Variants in PARD3B observed in about 807,000 individuals in gnomAD.
PARD3B encodes partitioning defective 3 homolog B.
A neutral mutation model predicts 130.2 loss-of-function variants in PARD3B; 103 were observed. That is an observed-to-expected ratio of 0.79 (90% CI 0.67 to 0.93). PARD3B has a LOEUF of 0.93. PARD3B is among the 40% of genes least tolerant of loss of function. The probability of loss-of-function intolerance (pLI) is 0.00; values close to 1 mark genes in which losing one functional copy is unlikely to be tolerated. For synonymous variants in PARD3B, 583 were observed against 553.2 expected (o/e 1.05, Z -0.76); for missense variants, 1,609 against 1,499.2 (o/e 1.07, Z -1.21).
chr2:205,607,327 G>A (rs913876557), intron 22 of PARD3B, among the ~76,000 whole-genome samples: 2 of 151,994 alleles, frequency 1.3e-5, no homozygotes, highest in African/African-American at 2.4e-5. Context: ...TCTTTCACCC[G>A]GTGCCAGCAG....
intron 16 of PARD3B, among the ~76,000 whole-genome samples, chr2:205,273,846 AC>A (rs1353465752): frequency 1.3e-5 from 2 of 152,166 alleles, no homozygotes; most frequent in East Asian, 3.9e-4. Context: ...TAGAAGTTTT[AC>A]TTTTGTAAGT....
At chr2:204,561,476 G>A (rs1376996437) in intron 1 of PARD3B, among the ~76,000 whole-genome samples, 1 of 152,136 alleles carries the variant, frequency 6.6e-6, no homozygotes, top group African/African-American at 2.4e-5. Context: ...GGCCATTGGG[G>A]AAGCCCCAGT....
intron 2 of PARD3B, among the ~76,000 whole-genome samples, chr2:204,729,990 CACACACAA>C (rs1294717002): frequency 9.2e-5 from 11 of 119,874 alleles, no homozygotes; most frequent in Non-Finnish European, 1.8e-4. Flanking sequence ...CAGATACACA[CACACACAA>C]ACACACACAC....
intron 18 of PARD3B, among the ~76,000 whole-genome samples, chr2:205,332,678 C>CGAA (rs1353275432): frequency 6.6e-6 from 1 of 152,116 alleles, no homozygotes; most frequent in Non-Finnish European, 1.5e-5. Context: ...GACGGCTTCC[C>CGAA]CTCTTCTCTC....
intron 2 of PARD3B, among the ~76,000 whole-genome samples, chr2:204,874,957 C>T (rs1241339185): frequency 2.0e-5 from 3 of 152,124 alleles, no homozygotes; most frequent in Non-Finnish European, 4.4e-5. Flanking sequence ...ATGAATATAT[C>T]TCAGTTTATT....
chr2:205,034,280 G>A (rs186782087), intron 3 of PARD3B, among the ~76,000 whole-genome samples: 109 of 152,276 alleles, frequency 7.2e-4, no homozygotes, highest in African/African-American at 2.6e-3. Context: ...AAAGGAAGTG[G>A]CTTGCCATCA....
chr2:204,990,789 C>T (rs935052965), intron 3 of PARD3B, among the ~76,000 whole-genome samples: 1 of 152,014 alleles, frequency 6.6e-6, no homozygotes, highest in African/African-American at 2.4e-5. Context: ...GAAATCTTTC[C>T]CTACCTAAAG....
At chr2:205,201,956 G>A (rs1027456446) in intron 15 of PARD3B, among the ~76,000 whole-genome samples, 3 of 152,138 alleles carry the variant, frequency 2.0e-5, no homozygotes, top group Admixed American at 6.5e-5. Flanking sequence ...GAATATAATT[G>A]TAGTGAGATG....
At chr2:204,572,702 T>C (rs1369225053) in intron 1 of PARD3B, among the ~76,000 whole-genome samples, 1 of 152,210 alleles carries the variant, frequency 6.6e-6, no homozygotes, top group Non-Finnish European at 1.5e-5. Flanking sequence ...GTAAATACTC[T>C]AGACAGCTGT....
intron 2 of PARD3B, among the ~76,000 whole-genome samples, chr2:204,743,521 T>C (rs2040095227): frequency 6.6e-6 from 1 of 152,164 alleles, no homozygotes; most frequent in Non-Finnish European, 1.5e-5. Context: ...CATGTGCATG[T>C]GAAGAGAAAA....
At chr2:204,691,524 C>A (rs1386583719) in intron 2 of PARD3B, among the ~76,000 whole-genome samples, 1 of 151,934 alleles carries the variant, frequency 6.6e-6, no homozygotes, top group African/African-American at 2.4e-5. Context: ...GTTATCAGTC[C>A]TTGGGCAAGC....
Position 205,615,712 on chromosome 2 carries a change from C to T in PARD3B, c.3517C>T (p.Gln1173Ter), listed in dbSNP as rs749777182. 10 of 1,614,126 alleles carry T rather than the reference C, an allele frequency of 6.2e-6. No individual in the cohort carries two copies. The highest frequency in any genetic ancestry group is 7.6e-6 in the Non-Finnish European group (9 of 1,180,014). The change falls in exon 23 of 23, where the codon CAG (glutamine) becomes TAG (stop). Residue 1173 changes from glutamine to a stop codon, truncating the protein, a stop_gained. Transcript: ENST00000406610. LOFTEE classifies it high-confidence loss of function. ...PPQHQRMPAY[Q>*]ETGRPGPRGG... is the part of the protein sequence containing the mutation. Reference sequence around the variant, plus strand: ...CCAGCACCAAAGAATGCCAGCCTATCAGGAAACAGGCAGACCAGGGCCCCG... The same window carrying T: ...CCAGCACCAAAGAATGCCAGCCTATTAGGAAACAGGCAGACCAGGGCCCCG...
At chr2:205,089,077 A>G (rs1292844377) in intron 4 of PARD3B, among the ~76,000 whole-genome samples, 1 of 151,344 alleles carries the variant, frequency 6.6e-6, no homozygotes, top group Non-Finnish European at 1.5e-5. Flanking sequence ...CTGGGATTAC[A>G]AGCATGAACC....
intron 3 of PARD3B, among the ~76,000 whole-genome samples, chr2:205,046,961 A>G (rs1698829741): frequency 6.6e-6 from 1 of 152,244 alleles, no homozygotes. Context: ...TTAATAGTGG[A>G]AGCTTTCATT....
At chr2:205,009,602 C>T (rs1442172348) in intron 3 of PARD3B, among the ~76,000 whole-genome samples, 4 of 149,792 alleles carry the variant, frequency 2.7e-5, no homozygotes, top group Non-Finnish European at 4.4e-5. Flanking sequence ...ACCCGGGAGG[C>T]GGAGCTTTCA....
intron 10 of PARD3B, among the ~76,000 whole-genome samples, chr2:205,134,074 T>C (rs1295796772): frequency 6.6e-6 from 1 of 152,152 alleles, no homozygotes; most frequent in Non-Finnish European, 1.5e-5. Flanking sequence ...TCCACCCTTT[T>C]ACTATGGTTG....
At position 205,463,069 on chromosome 2, in the gene PARD3B, AT is replaced by A. The variant is rs960814144; in HGVS notation, c.3044+22405del. On this transcript the variant is annotated intron_variant, in intron 20 of 22. Transcript: ENST00000406610. The surrounding 1 kb of genome is among the most constrained non-coding windows in gnomAD (Gnocchi z 4.8). The stretch of plus-strand genomic sequence containing the variant: ...GTCATCTCAGCATCAACTGACAATT[AT>A]TTTTTTTGCCCTCAATATCCTTCCC... 2.6e-5 allele frequency among the ~76,000 whole-genome samples: 4 copies of A among 151,738 alleles called. No homozygotes were observed. The highest frequency in any genetic ancestry group is 9.7e-5 in the African/African-American group (4 of 41,270).
chr2:204,562,145 C>T (rs1026388758), intron 1 of PARD3B, among the ~76,000 whole-genome samples: 9 of 152,094 alleles, frequency 5.9e-5, no homozygotes, highest in South Asian at 2.1e-4. Flanking sequence ...TGAATGATGC[C>T]CTCAGATTTC....
At chr2:204,955,543 A>G (rs1559296792) in intron 2 of PARD3B, among the ~76,000 whole-genome samples, 1 of 152,248 alleles carries the variant, frequency 6.6e-6, no homozygotes, top group Non-Finnish European at 1.5e-5. Flanking sequence ...TGGATATAGC[A>G]GAAAATGTAG....
Sources: allele counts gnomAD v4.1 joint callset (sites outside exome capture counted in the v4.1 genomes callset), GRCh38; gene constraint gnomAD v4.1.1; non-coding constraint Gnocchi (gnomAD v3.1); transcripts MANE v1.5; gene names NCBI Gene and HGNC (gene_info 2026-07-23, HGNC 2026-07-21).